The following SLC24A2 variants were observed in gnomAD, a reference collection of about 807,000 sequenced individuals.
The protein encoded by SLC24A2 is solute carrier family 24 member 2.
Under a neutral mutation model 62.0 loss-of-function variants are expected in SLC24A2, and 36 were observed. The ratio of observed to expected loss-of-function variants is 0.58; its 90% CI spans 0.44 to 0.77. The LOEUF (loss-of-function observed/expected upper bound fraction) is 0.77, where lower values mean the gene tolerates loss of function less well. Ranked by LOEUF, SLC24A2 falls within the 30% of genes least tolerant of loss-of-function variation. The pLI is 0.00. For missense variants in SLC24A2, 846 were observed against 817.9 expected, an observed-to-expected ratio of 1.03 and a Z score of -0.42; for synonymous variants, 358 against 294.0, an observed-to-expected ratio of 1.22 and a Z score of -2.23.
At chr9:19,728,410 A>G (rs944211349) in intron 2 of SLC24A2, among the ~76,000 whole-genome samples, 8 of 152,168 alleles carry the variant, frequency 5.3e-5, no homozygotes, top group African/African-American at 1.9e-4. Flanking sequence ...AAGGGGACTA[A>G]GCTGGCTGTT....
chr9:19,600,218 T>A (rs113941311), intron 4 of SLC24A2, among the ~76,000 whole-genome samples: 2 of 152,314 alleles, frequency 1.3e-5, no homozygotes, highest in African/African-American at 4.8e-5. Flanking sequence ...TGTAATCCGA[T>A]TGTAAATGCT....
At chr9:19,583,471 C>T (rs567810423) in intron 5 of SLC24A2, among the ~76,000 whole-genome samples, 10 of 152,298 alleles carry the variant, frequency 6.6e-5, no homozygotes, top group Non-Finnish European at 1.5e-4. Flanking sequence ...TGGCAGCAGA[C>T]AAGCTTCAAA....
chr9:19,950,365 G>T, the SLC24A2 span, among the ~76,000 whole-genome samples: 1 of 152,142 alleles, frequency 6.6e-6, no homozygotes, highest in Non-Finnish European at 1.5e-5. Flanking sequence ...AAAGCTGTCA[G>T]ACTTACAGAT....
the SLC24A2 span, among the ~76,000 whole-genome samples, chr9:20,222,759 A>T: frequency 6.6e-6 from 1 of 152,114 alleles, no homozygotes; most frequent in African/African-American, 2.4e-5. Flanking sequence ...AAAAATGATG[A>T]AATGTGATAT....
chr9:19,966,036 C>T, the SLC24A2 span, among the ~76,000 whole-genome samples: 1 of 152,102 alleles, frequency 6.6e-6, no homozygotes, highest in African/African-American at 2.4e-5. Flanking sequence ...GCAGCTTATT[C>T]CTCCTTTTGA....
rs1452092475 is a variant in SLC24A2, at chr9:19,784,598, C to T, written c.930+1339G>A. Reference sequence around the variant, plus strand: ...ACCACCCAAACGGACTCGAGGAGAGCACTTGAGGGATCACCTTTTTGGCTG... The same window carrying T: ...ACCACCCAAACGGACTCGAGGAGAGTACTTGAGGGATCACCTTTTTGGCTG... On this transcript the variant is annotated intron_variant, in intron 2 of 10. Transcript: ENST00000341998. 2.6e-5 allele frequency among the ~76,000 whole-genome samples: 4 copies of T among 152,182 alleles called. No homozygotes were observed. In the South Asian group the frequency reaches 8.3e-4, roughly 31 times the overall value.
upstream of SLC24A2, among the ~76,000 whole-genome samples, chr9:19,789,831 T>A (rs1378116307): frequency 6.6e-6 from 1 of 152,200 alleles, no homozygotes; most frequent in African/African-American, 2.4e-5. Flanking sequence ...ACCCAACTCG[T>A]GAAGCTCTGA....
the SLC24A2 span, among the ~76,000 whole-genome samples, chr9:19,880,476 T>A: frequency 6.6e-6 from 1 of 152,142 alleles, no homozygotes; most frequent in Non-Finnish European, 1.5e-5. Context: ...GCCACGGAAG[T>A]GGGGCTGCTT....
chr9:20,298,967 G>T, the SLC24A2 span, among the ~76,000 whole-genome samples: 1 of 152,194 alleles, frequency 6.6e-6, no homozygotes, highest in African/African-American at 2.4e-5. Flanking sequence ...GAGGATCCTA[G>T]AGGACATGCG....
the SLC24A2 span, among the ~76,000 whole-genome samples, chr9:20,279,593 C>T: frequency 6.6e-6 from 1 of 152,174 alleles, no homozygotes; most frequent in African/African-American, 2.4e-5. Context: ...GATGATATTG[C>T]AAGTCCATCA....
the SLC24A2 span, among the ~76,000 whole-genome samples, chr9:20,226,540 G>A: frequency 6.6e-6 from 1 of 152,126 alleles, no homozygotes; most frequent in Admixed American, 6.6e-5. Context: ...CATTTGGCAG[G>A]TGGGCGGCCA....
chr9:20,221,693 A>G, the SLC24A2 span, among the ~76,000 whole-genome samples: 1 of 152,052 alleles, frequency 6.6e-6, no homozygotes, highest in Non-Finnish European at 1.5e-5. Context: ...CAGAACATCA[A>G]AGAAAATGGA....
At chr9:20,267,955 C>G in the SLC24A2 span, among the ~76,000 whole-genome samples, 5 of 152,092 alleles carry the variant, frequency 3.3e-5, no homozygotes, top group South Asian at 2.1e-4. Context: ...CTTTAACCTC[C>G]CCATCCCACT....
chr9:20,274,517 A>C, the SLC24A2 span, among the ~76,000 whole-genome samples: 1 of 151,782 alleles, frequency 6.6e-6, no homozygotes, highest in Non-Finnish European at 1.5e-5. Context: ...AAAGAGGAGG[A>C]ACTATTGTCA....
the SLC24A2 span, among the ~76,000 whole-genome samples, chr9:19,968,296 A>G: frequency 2.0e-5 from 3 of 152,212 alleles, no homozygotes; most frequent in Non-Finnish European, 2.9e-5. Flanking sequence ...GAAACACAGC[A>G]GCTTTTGTTT....
the SLC24A2 span, among the ~76,000 whole-genome samples, chr9:20,176,605 C>A: frequency 6.6e-6 from 1 of 152,160 alleles, no homozygotes. Flanking sequence ...ATGAGAAGTG[C>A]CAACCATAGA....
chr9:19,648,875 T>A (rs957652277), intron 2 of SLC24A2, among the ~76,000 whole-genome samples: 7 of 151,622 alleles, frequency 4.6e-5, no homozygotes, highest in Non-Finnish European at 1.0e-4. Flanking sequence ...TCCAGAAAGC[T>A]AGAATAGGGA....
At chr9:20,082,728 TG>T in the SLC24A2 span, among the ~76,000 whole-genome samples, 1 of 152,164 alleles carries the variant, frequency 6.6e-6, no homozygotes, top group Non-Finnish European at 1.5e-5. Context: ...TTCCCCATGG[TG>T]GGGGAGCAAG....
At chr9:19,661,477 C>T (rs575095676) in intron 2 of SLC24A2, among the ~76,000 whole-genome samples, 5 of 151,934 alleles carry the variant, frequency 3.3e-5, no homozygotes, top group African/African-American at 9.6e-5. Flanking sequence ...AAAATCATCA[C>T]GTCCAGGGAT....
Sources: allele counts gnomAD v4.1 joint callset (sites outside exome capture counted in the v4.1 genomes callset), GRCh38; gene constraint gnomAD v4.1.1; transcripts MANE v1.5; gene names NCBI Gene and HGNC (gene_info 2026-07-23, HGNC 2026-07-21).